The following PDE10A variants were observed in gnomAD, a reference collection of about 807,000 sequenced individuals.
PDE10A encodes phosphodiesterase 10A, also known as cAMP and cAMP-inhibited cGMP 3',5'-cyclic phosphodiesterase 10A.
Under a neutral mutation model 97.7 loss-of-function variants are expected in PDE10A, and 39 were observed. That is an observed-to-expected ratio of 0.40 (90% CI 0.31 to 0.52). The LOEUF is 0.52. Among genes scored for constraint, PDE10A ranks in the 20% least tolerant of loss-of-function variants. The pLI is 0.56. For missense variants in PDE10A, 731 were observed against 1,047.8 expected (o/e 0.70, Z 4.17); for synonymous variants, 371 against 376.8 (o/e 0.98, Z 0.18).
intron 2 of PDE10A, among the ~76,000 whole-genome samples, chr6:165,500,567 A>ACTGTGGAAGGCGG (rs57762055): frequency 2.0e-5 from 3 of 152,058 alleles, no homozygotes; most frequent in Admixed American, 6.5e-5. Context: ...GACACAATAC[A>ACTGTGGAAGGCGG]CAGGGACCTC....
At chr6:165,398,226 C>A (rs1193167725) in intron 13 of PDE10A, among the ~76,000 whole-genome samples, 1 of 152,118 alleles carries the variant, frequency 6.6e-6, no homozygotes, top group Non-Finnish European at 1.5e-5. Flanking sequence ...TTTGTATTGG[C>A]TGTGGCTAAT....
chr6:165,432,512 C>T (rs1259247828), intron 7 of PDE10A, among the ~76,000 whole-genome samples: 1 of 152,138 alleles, frequency 6.6e-6, no homozygotes, highest in Non-Finnish European at 1.5e-5. Context: ...CTGGTTTATA[C>T]TGGATGTGAT....
intron 2 of PDE10A, among the ~76,000 whole-genome samples, chr6:165,500,209 T>C (rs1245600366): frequency 6.6e-6 from 1 of 151,748 alleles, no homozygotes; most frequent in African/African-American, 2.4e-5. Flanking sequence ...ACATTATATA[T>C]AATAGATATT....
At chr6:165,442,683 G>T (rs1282541298) in intron 5 of PDE10A, among the ~76,000 whole-genome samples, 1 of 152,100 alleles carries the variant, frequency 6.6e-6, no homozygotes, top group Non-Finnish European at 1.5e-5. Flanking sequence ...TTTGACATGA[G>T]ATTTTGGTGG....
At position 165,711,868 on chromosome 6, in the gene PDE10A, G is replaced by T. The variant is rs1490191346; in HGVS notation, c.-614-168300C>A. On this transcript the variant is annotated intron_variant, in intron 1 of 19. Transcript: ENST00000366882. This position sits in a 1 kb window ranked among gnomAD's most constrained non-coding sequence, Gnocchi z 4.5. ...AACAGCGGGATGTAGGAGTGTGTTG[G>T]TTGGTTTTATTCTGCATCCTAGGGG... Among the ~76,000 whole-genome samples the T allele has an allele frequency of 6.6e-6, 1 of 152,192 alleles. No homozygotes were observed. The highest frequency in any genetic ancestry group is 1.5e-5 in the Non-Finnish European group (1 of 68,040).
chr6:165,796,245 G>A (rs962113496), intron 1 of PDE10A, among the ~76,000 whole-genome samples: 4 of 151,662 alleles, frequency 2.6e-5, no homozygotes, highest in African/African-American at 9.7e-5. Context: ...ACAGGCGCCC[G>A]CCACCACGCC....
chr6:165,877,540 T>C (rs1029785565), intron 1 of PDE10A, among the ~76,000 whole-genome samples: 3 of 152,206 alleles, frequency 2.0e-5, no homozygotes, highest in African/African-American at 7.2e-5. Flanking sequence ...ATTGTATAGA[T>C]ACACATATAT....
intron 2 of PDE10A, among the ~76,000 whole-genome samples, chr6:165,540,331 G>C (rs1173163642): frequency 4.6e-5 from 7 of 152,034 alleles, no homozygotes; most frequent in African/African-American, 1.4e-4. Context: ...ACTGCTTACA[G>C]GTGTTTTTTT....
At chr6:165,519,805 A>G (rs752081489) in intron 2 of PDE10A, among the ~76,000 whole-genome samples, 20 of 152,150 alleles carry the variant, frequency 1.3e-4, no homozygotes, top group Non-Finnish European at 2.1e-4. Context: ...GAAGTGTAGA[A>G]AATTATGTGG....
intron 1 of PDE10A, among the ~76,000 whole-genome samples, chr6:165,738,145 A>T (rs1055667169): frequency 1.4e-5 from 2 of 145,090 alleles, no homozygotes; most frequent in African/African-American, 5.1e-5. Context: ...TATATCTCCC[A>T]GTGCTATCCC....
At chr6:165,984,775 G>C (rs975876956) in intron 1 of PDE10A, among the ~76,000 whole-genome samples, 2 of 152,178 alleles carry the variant, frequency 1.3e-5, no homozygotes, top group African/African-American at 4.8e-5. Flanking sequence ...AGCAGAGAAA[G>C]TCAAAGCCTG....
intron 1 of PDE10A, among the ~76,000 whole-genome samples, chr6:165,845,537 C>T (rs1328097480): frequency 6.6e-6 from 1 of 152,162 alleles, no homozygotes; most frequent in Non-Finnish European, 1.5e-5. Context: ...GGAAAACCCA[C>T]TTATGTGGGA....
At position 165,813,222 on chromosome 6, in the gene PDE10A, A is replaced by C. The variant is rs139802146; in HGVS notation, c.-615+174307T>G. ...TAAACTAGATGTCCTTGCTCTCTAG[A>C]GTATGGTTTGAAAATTTTAAACAGG... On this transcript the variant is annotated intron_variant, in intron 1 of 19. Coordinates refer to the PDE10A transcript ENST00000366882. Among the ~76,000 whole-genome samples the C allele has an allele frequency of 3.9e-5, 6 of 152,210 alleles. No homozygotes were observed. In the East Asian group the frequency reaches 1.2e-3, roughly 29 times the overall value.
At chr6:165,649,337 GGAT>G (rs1404082216) in intron 1 of PDE10A, among the ~76,000 whole-genome samples, 2 of 152,168 alleles carry the variant, frequency 1.3e-5, no homozygotes, top group Non-Finnish European at 2.9e-5. Context: ...AAAATAAGCA[GGAT>G]GATATCCAAA....
chr6:165,917,364 G>A (rs1782636395), intron 1 of PDE10A, among the ~76,000 whole-genome samples: 1 of 152,118 alleles, frequency 6.6e-6, no homozygotes, highest in Non-Finnish European at 1.5e-5. Context: ...CGGTCTAGAA[G>A]GCACACATCA....
intron 10 of PDE10A, among the ~76,000 whole-genome samples, chr6:165,428,155 T>C (rs1012708077): frequency 5.3e-5 from 8 of 152,132 alleles, no homozygotes; most frequent in African/African-American, 1.9e-4. Context: ...CATCCACCCA[T>C]ACATTCTGAC....
chr6:165,845,840 T>C (rs1021439547), intron 1 of PDE10A, among the ~76,000 whole-genome samples: 1 of 152,212 alleles, frequency 6.6e-6, no homozygotes, highest in African/African-American at 2.4e-5. Flanking sequence ...GTACGTTTAA[T>C]AAGATTGTAA....
At chr6:165,461,651 A>C (rs191411989) in intron 3 of PDE10A, among the ~76,000 whole-genome samples, 141 of 152,296 alleles carry the variant, frequency 9.3e-4, no homozygotes, top group Non-Finnish European at 1.8e-3. Flanking sequence ...AGTAGAATGC[A>C]CCCTTTTTAC....
In PDE10A at chr6:165,767,823, A is replaced by C. The variant is rs182731054; in HGVS notation, c.-615+219706T>G. On this transcript the variant is annotated intron_variant, in intron 1 of 19. Transcript: ENST00000366882. ...AATTGCTGGGTCATTCACTCTCTCT[A>C]TGTTTGATTTTTTGAGGAATTGCAA... 3.6e-3 allele frequency among the ~76,000 whole-genome samples: 552 copies of C among 152,080 alleles called. 6 individuals carry two copies. The highest frequency in any genetic ancestry group is 0.015 in the Admixed American group (235 of 15,282).
Sources: allele counts gnomAD v4.1 joint callset (sites outside exome capture counted in the v4.1 genomes callset), GRCh38; gene constraint gnomAD v4.1.1; non-coding constraint Gnocchi (gnomAD v3.1); transcripts MANE v1.5; gene names NCBI Gene and HGNC (gene_info 2026-07-23, HGNC 2026-07-21).